The following WASHC4 variants were observed in gnomAD, a reference collection of about 807,000 sequenced individuals.
WASHC4 encodes WASH complex subunit 7.
WASHC4 carries 86 observed loss-of-function variants against 166.6 expected under a neutral mutation model. The ratio of observed to expected loss-of-function variants is 0.52; its 90% confidence interval spans 0.43 to 0.62. WASHC4 has a LOEUF of 0.62. WASHC4 is among the 20% of genes least tolerant of loss of function. The probability of loss-of-function intolerance (pLI) is 0.00; values close to 1 mark genes in which losing one functional copy is unlikely to be tolerated. For synonymous variants in WASHC4, 446 were observed against 451.6 expected (o/e 0.99, Z 0.16); for missense variants, 1,262 against 1,382.4 (o/e 0.91, Z 1.38).
In WASHC4 at chr12:105,140,999, A is replaced by G. The variant is rs763931722; in HGVS notation, c.1661A>G (p.Gln554Arg). 2 of 1,614,196 alleles carry G rather than the reference A, an allele frequency of 1.2e-6. No homozygotes were observed. The highest frequency in any genetic ancestry group is 3.3e-5 in the Admixed American group (2 of 60,024). Residue 554 changes from glutamine to arginine, a missense_variant, in exon 17 of 33, where the codon CAA becomes CGA. Gln to Arg is a conservative substitution (Grantham distance 43). Coordinates refer to ENST00000332180, the MANE Select transcript of WASHC4 (RefSeq NM_015275.3). ...ACTCTAAATGGACCAAGCACAAAGC[A>G]ACGGCGACTTATTGTTTCTTTGGCA... ...ENTLNGPSTK[Q>R]RRLIVSLALS...
At chr12:105,160,607 C>G (rs1028744274) in intron 29 of WASHC4, among the ~76,000 whole-genome samples, 3 of 152,168 alleles carry the variant, frequency 2.0e-5, no homozygotes, top group African/African-American at 7.2e-5. Context: ...TTGCCTTGGC[C>G]TCCCAAAGTG....
intron 1 of WASHC4, 98 bp downstream of exon 1, chr12:105,107,959 G>GC: frequency 2.3e-6 from 2 of 885,922 alleles, no homozygotes; most frequent in Non-Finnish European, 3.6e-6. Context: ...CGGCTGCGCA[G>GC]CCGTCTGGTG....
At chr12:105,131,492 C>G (rs1881819309) in intron 13 of WASHC4, among the ~76,000 whole-genome samples, 1 of 152,206 alleles carries the variant, frequency 6.6e-6, no homozygotes, top group Non-Finnish European at 1.5e-5. Flanking sequence ...TATAGCCTTA[C>G]CTAAAGCTGG....
At chr12:105,111,738 A>T (rs190787542) in intron 2 of WASHC4, among the ~76,000 whole-genome samples, 4 of 152,206 alleles carry the variant, frequency 2.6e-5, no homozygotes, top group Non-Finnish European at 5.9e-5. Context: ...TTTTTAATGT[A>T]TAAAATACAT....
In WASHC4 at chr12:105,156,940, A is replaced by G. The variant is rs192591309; in HGVS notation, c.2825+148A>G. 228 of 710,982 alleles carry G rather than the reference A, an allele frequency of 3.2e-4. 1 individual carries two copies. In the African/African-American group the frequency reaches 3.4e-3, roughly 11 times the overall value. 44.0% of individuals were successfully genotyped at this position (710,982 alleles called of 1,614,324 possible). A position where few individuals can be genotyped will look rare whatever the true frequency, so the allele number is the denominator to read the frequency against. ...ATGGAAGAAAACTATTAATTCTACT[A>G]GATTTTTCTCAAATTTTAAGACTGC... On this transcript the variant is annotated intron_variant, in intron 27 of 32. Transcript: ENST00000332180.
intron 26 of WASHC4, 35 bp from the exon 27 acceptor site, chr12:105,156,691 A>G (rs369147511): frequency 2.5e-5 from 38 of 1,504,596 alleles, no homozygotes; most frequent in Non-Finnish European, 3.0e-5. Context: ...AGAGTTATTT[A>G]TATAAATATC....
At chr12:105,162,295 G>C (rs1293747081) in intron 29 of WASHC4, among the ~76,000 whole-genome samples, 1 of 152,146 alleles carries the variant, frequency 6.6e-6, no homozygotes, top group Non-Finnish European at 1.5e-5. Context: ...AATGAATTAG[G>C]TAGGTGTAAG....
In WASHC4 at chr12:105,156,810, A is replaced by C; in HGVS notation, c.2825+18A>C. 1 of 1,599,256 alleles carries C rather than the reference A, an allele frequency of 6.3e-7. No homozygotes were observed. The highest frequency in any genetic ancestry group is 1.7e-5 in the Admixed American group (1 of 59,976). Reference sequence around the variant, plus strand: ...GCCATTAGGTATGGATGCAAACATCATTTTTGCCTTGTTTATGCCATTTTA... The same window carrying C: ...GCCATTAGGTATGGATGCAAACATCCTTTTTGCCTTGTTTATGCCATTTTA... On this transcript the variant is annotated intron_variant, in intron 27 of 32. Coordinates refer to ENST00000332180, the MANE Select transcript of WASHC4 (RefSeq NM_015275.3).
At position 105,143,108 on chromosome 12, in the gene WASHC4, A is replaced by G. The variant is rs1388464052; in HGVS notation, c.1894-19A>G. ...ACCTGGTTTTTCTAAATTCATGTAC[A>G]TTTTAATTTTCTTCTTAGTACATGT... On this transcript the variant is annotated intron_variant, in intron 19 of 32. Coordinates refer to ENST00000332180, the MANE Select transcript of WASHC4 (RefSeq NM_015275.3). The G allele has an allele frequency of 1.0e-5, 15 of 1,494,152 alleles. No homozygotes were observed. Among genetic ancestry groups the G allele is most frequent in the Non-Finnish European group, 1.2e-5 (13 of 1,072,060 alleles). The allele number at this position is 1,494,152 out of a possible 1,614,324, so 92.6% of individuals were successfully genotyped here. A position where few individuals can be genotyped will look rare whatever the true frequency, so the allele number is the denominator to read the frequency against.
Position 105,114,454 on chromosome 12 carries a change from A to T in WASHC4, c.321+27A>T, listed in dbSNP as rs777745667. 3.6e-6 allele frequency: 5 copies of T among 1,405,368 alleles called. No homozygotes were observed. The East Asian group carries it at 1.2e-4, about 34-fold the overall frequency. The allele number at this position is 1,405,368 out of a possible 1,614,324, so 87.1% of individuals were successfully genotyped here. On this transcript the variant is annotated intron_variant, in intron 4 of 32. Coordinates refer to ENST00000332180, the MANE Select transcript of WASHC4 (RefSeq NM_015275.3). ...TAATTATTTGAATTCTTGTCTTAAA[A>T]CTTTAAAAACATCATTTAGAAGCAA...
chr12:105,150,703 T>G (rs1483357344), intron 25 of WASHC4, among the ~76,000 whole-genome samples: 1 of 152,176 alleles, frequency 6.6e-6, no homozygotes, highest in Non-Finnish European at 1.5e-5. Flanking sequence ...TAGTCTATTC[T>G]CATGCTGCTA....
chr12:105,138,235 A>G (rs943011653), intron 15 of WASHC4, among the ~76,000 whole-genome samples: 3 of 151,084 alleles, frequency 2.0e-5, no homozygotes, highest in Non-Finnish European at 4.4e-5. Context: ...AAGTTAATAT[A>G]TCCAGTTTAC....
At position 105,148,863 on chromosome 12, in the gene WASHC4, CTG is replaced by C. The variant is rs527260230; in HGVS notation, c.2515-750_2515-749del. On this transcript the variant is annotated intron_variant, in intron 24 of 32. Coordinates refer to ENST00000332180, the MANE Select transcript of WASHC4 (RefSeq NM_015275.3). Reference sequence around the variant, plus strand: ...GGAATTAATCTTTTGCTATTTCCATCTGTAGGTTAGAATTAATTTTACTGTGC... The same window carrying C: ...GGAATTAATCTTTTGCTATTTCCATCTAGGTTAGAATTAATTTTACTGTGC... The C allele has an allele frequency of 2.2e-4, 216 of 985,326 alleles. 2 individuals carry two copies. In the Admixed American group the frequency reaches 0.013, roughly 60 times the overall value. 61.0% of individuals were successfully genotyped at this position (985,326 alleles called of 1,614,324 possible).
chr12:105,158,316 A>C (rs1884298125), intron 28 of WASHC4, among the ~76,000 whole-genome samples: 1 of 152,204 alleles, frequency 6.6e-6, no homozygotes, highest in Non-Finnish European at 1.5e-5. Context: ...ATTACAAAGG[A>C]GAAAACTGTC....
intron 26 of WASHC4, among the ~76,000 whole-genome samples, chr12:105,153,745 T>C (rs534071112): frequency 3.9e-5 from 6 of 152,228 alleles, no homozygotes; most frequent in Admixed American, 6.5e-5. Flanking sequence ...GTTTTATTTA[T>C]ACACATACCC....
At chr12:105,129,266 G>A (rs1367446774) in intron 13 of WASHC4, among the ~76,000 whole-genome samples, 1 of 152,058 alleles carries the variant, frequency 6.6e-6, no homozygotes, top group African/African-American at 2.4e-5. Flanking sequence ...TGTATTTTTA[G>A]TAGAGACGAG....
chr12:105,131,729 C>T (rs1291110182), intron 13 of WASHC4, among the ~76,000 whole-genome samples: 1 of 152,098 alleles, frequency 6.6e-6, no homozygotes, highest in African/African-American at 2.4e-5. Context: ...AAAAAAGGAC[C>T]AGGCTTTTAA....
intron 14 of WASHC4, among the ~76,000 whole-genome samples, chr12:105,136,375 T>A (rs1196812): frequency 0.5 from 75,801 of 151,866 alleles, 19,116 homozygotes; most frequent in Middle Eastern, 0.68. Flanking sequence ...TCCTTATTTA[T>A]TTGAATCCTC....
In WASHC4 at chr12:105,118,432, C is replaced by G; in HGVS notation, c.436-14C>G. ...AGAGTAACTTTATAATATATACCCACCTTCTCGTTTCAGGAACTGTCTTGC... is the reference window on the plus strand; with the variant it reads ...AGAGTAACTTTATAATATATACCCAGCTTCTCGTTTCAGGAACTGTCTTGC... On this transcript the variant is annotated splice_polypyrimidine_tract_variant and intron_variant, in intron 6 of 32. Coordinates refer to ENST00000332180, the MANE Select transcript of WASHC4 (RefSeq NM_015275.3). 11 of 1,584,530 alleles carry G rather than the reference C, an allele frequency of 6.9e-6. No individual in the cohort carries two copies. Among genetic ancestry groups the G allele is most frequent in the Non-Finnish European group, 9.5e-6 (11 of 1,153,176 alleles).
Sources: gnomAD v4.1 joint callset for allele counts (sites outside exome capture counted in the v4.1 genomes callset) on GRCh38, gnomAD v4.1.1 for gene constraint, MANE v1.5 for transcripts, NCBI Gene and HGNC (gene_info 2026-07-23, HGNC 2026-07-21) for gene names.